FHIT: variants seen among roughly 807,000 people sequenced by gnomAD.
FHIT encodes bis(5'-adenosyl)-triphosphatase.
Under a neutral mutation model 17.9 loss-of-function variants are expected in FHIT, and 19 were observed. That is an observed-to-expected ratio of 1.06 (90% confidence interval 0.74 to 1.56). The LOEUF (loss-of-function observed/expected upper bound fraction) is 1.56. Ranked by LOEUF, FHIT falls within the 40% of genes most tolerant of loss-of-function variation. The pLI is 0.00. For synonymous variants in FHIT, 81 were observed against 69.7 expected (o/e 1.16, Z -0.81); for missense variants, 248 against 189.2 (o/e 1.31, Z -1.82).
chr3:60,771,745 C>T (rs554395472), intron 4 of FHIT, among the ~76,000 whole-genome samples: 20 of 152,302 alleles, frequency 1.3e-4, no homozygotes, highest in South Asian at 4.1e-4. Flanking sequence ...ACTTAGCCCC[C>T]TTATCTATGT....
At chr3:61,026,192 T>C (rs560115623) in intron 3 of FHIT, among the ~76,000 whole-genome samples, 1 of 151,812 alleles carries the variant, frequency 6.6e-6, no homozygotes, top group South Asian at 2.1e-4. Flanking sequence ...GAATGAAGAG[T>C]AAAAGAGGAG....
chr3:59,902,406 T>C (rs189248912), intron 8 of FHIT, among the ~76,000 whole-genome samples: 149 of 151,976 alleles, frequency 9.8e-4, no homozygotes, highest in African/African-American at 3.4e-3. Context: ...AAATTAAAAA[T>C]AGAATACCAT....
intron 5 of FHIT, among the ~76,000 whole-genome samples, chr3:60,154,158 T>C (rs369062112): frequency 3.5e-4 from 54 of 152,356 alleles, no homozygotes; most frequent in African/African-American, 1.3e-3. Flanking sequence ...ATGCCAAGCA[T>C]GTGGGAGTTA....
chr3:59,989,849 T>C (rs921236182), intron 7 of FHIT, among the ~76,000 whole-genome samples: 1 of 152,028 alleles, frequency 6.6e-6, no homozygotes, highest in Non-Finnish European at 1.5e-5. Flanking sequence ...TCCACAAATA[T>C]CGGAGATAGA....
intron 4 of FHIT, among the ~76,000 whole-genome samples, chr3:60,735,485 G>C (rs989007625): frequency 6.6e-6 from 1 of 152,160 alleles, no homozygotes; most frequent in African/African-American, 2.4e-5. Context: ...GCTAAGATTT[G>C]AGAACTACTG....
intron 8 of FHIT, among the ~76,000 whole-genome samples, chr3:59,788,785 A>T (rs1350441321): frequency 6.6e-6 from 1 of 151,518 alleles, no homozygotes; most frequent in Non-Finnish European, 1.5e-5. Flanking sequence ...GGTACAAGAA[A>T]GGAAGATGGT....
At chr3:59,803,454 A>G (rs1462936277) in intron 8 of FHIT, among the ~76,000 whole-genome samples, 1 of 152,216 alleles carries the variant, frequency 6.6e-6, no homozygotes, top group African/African-American at 2.4e-5. Flanking sequence ...CTCCTGCTGC[A>G]TTAACGGTCT....
chr3:60,070,735 C>T (rs1702731069), intron 5 of FHIT, among the ~76,000 whole-genome samples: 1 of 152,178 alleles, frequency 6.6e-6, no homozygotes. Context: ...AGGATATAGT[C>T]CATGAGACAG....
At chr3:60,324,559 G>T (rs2106820545) in intron 5 of FHIT, among the ~76,000 whole-genome samples, 1 of 126,546 alleles carries the variant, frequency 7.9e-6, no homozygotes, top group Admixed American at 9.0e-5. Context: ...GGGTGACAGA[G>T]CGAGACTCCA....
chr3:61,118,473 T>C (rs1047195016), intron 2 of FHIT, among the ~76,000 whole-genome samples: 2 of 152,142 alleles, frequency 1.3e-5, no homozygotes, highest in African/African-American at 4.8e-5. Context: ...CAAGTTACCC[T>C]CTATCCAGAA....
chr3:60,096,726 C>A (rs935274051), intron 5 of FHIT, among the ~76,000 whole-genome samples: 18 of 152,130 alleles, frequency 1.2e-4, no homozygotes, highest in African/African-American at 4.1e-4. Flanking sequence ...CAAGCTGAGG[C>A]AGACGCATGG....
At chr3:59,772,644 G>A (rs1702124982) in intron 8 of FHIT, among the ~76,000 whole-genome samples, 1 of 152,118 alleles carries the variant, frequency 6.6e-6, no homozygotes. Context: ...TTCAGGAGAG[G>A]CAATGCCACA....
intron 8 of FHIT, among the ~76,000 whole-genome samples, chr3:59,894,485 C>T (rs1008550871): frequency 3.3e-5 from 5 of 152,168 alleles, no homozygotes; most frequent in Admixed American, 2.0e-4. Context: ...TGTGGCTTGT[C>T]TTTTGCCCAT....
At chr3:60,265,388 G>T (rs755279626) in intron 5 of FHIT, among the ~76,000 whole-genome samples, 11 of 151,918 alleles carry the variant, frequency 7.2e-5, no homozygotes, top group Non-Finnish European at 1.5e-4. Context: ...AGAGTGGAAG[G>T]CTCCTACTTC....
chr3:60,629,297 T>C (rs370175333), intron 4 of FHIT, among the ~76,000 whole-genome samples: 17 of 152,186 alleles, frequency 1.1e-4, no homozygotes, highest in African/African-American at 3.9e-4. Context: ...TAGCAGGCTG[T>C]GTCTGACATG....
At chr3:60,680,272 C>G (rs1419641223) in intron 4 of FHIT, among the ~76,000 whole-genome samples, 1 of 152,248 alleles carries the variant, frequency 6.6e-6, no homozygotes, top group African/African-American at 2.4e-5. Flanking sequence ...CTATACTGTG[C>G]TGATTTTAGA....
chr3:60,454,364 G>C (rs755426343), intron 5 of FHIT, among the ~76,000 whole-genome samples: 1 of 151,348 alleles, frequency 6.6e-6, no homozygotes, highest in Non-Finnish European at 1.5e-5. Context: ...AGCACCAAAA[G>C]TCATTATTTT....
intron 8 of FHIT, among the ~76,000 whole-genome samples, chr3:59,800,754 G>A (rs141493027): frequency 1.3e-4 from 20 of 152,264 alleles, no homozygotes; most frequent in African/African-American, 4.8e-4. Flanking sequence ...GGTCTTAAAT[G>A]TAACTAGGAG....
At chr3:60,121,392 T>C (rs186061441) in intron 5 of FHIT, among the ~76,000 whole-genome samples, 2 of 152,226 alleles carry the variant, frequency 1.3e-5, no homozygotes, top group African/African-American at 4.8e-5. Flanking sequence ...AGTTTGAAAA[T>C]ACATGTGTAC....
Sources: gnomAD v4.1 joint callset for allele counts (sites outside exome capture counted in the v4.1 genomes callset) on GRCh38, gnomAD v4.1.1 for gene constraint, MANE v1.5 for transcripts, NCBI Gene and HGNC (gene_info 2026-07-23, HGNC 2026-07-21) for gene names.